The following CTNNA2 variants were observed in gnomAD, a reference collection of about 807,000 sequenced individuals.
CTNNA2 encodes catenin alpha 2, also known as catenin alpha-2.
In CTNNA2, 42 loss-of-function variants were observed where a neutral mutation model predicts 101.0. That is an observed-to-expected ratio of 0.42 (90% confidence interval 0.32 to 0.54). The LOEUF (loss-of-function observed/expected upper bound fraction) is 0.54, where lower values mean the gene tolerates loss of function less well. Among genes scored for constraint, CTNNA2 ranks in the 20% least tolerant of loss-of-function variants. CTNNA2 has a pLI of 0.14. For synonymous variants in CTNNA2, 450 were observed against 456.4 expected (o/e 0.99, Z 0.18); for missense variants, 871 against 1,223.1 (o/e 0.71, Z 4.29).
intron 9 of CTNNA2, among the ~76,000 whole-genome samples, chr2:80,486,764 A>G (rs1686618301): frequency 6.6e-6 from 1 of 152,214 alleles, no homozygotes; most frequent in African/African-American, 2.4e-5. Flanking sequence ...TCTAATGTTA[A>G]CATTTTATAT....
At position 79,544,245 on chromosome 2, in the gene CTNNA2, G is replaced by A. The variant is rs115820804; in HGVS notation, c.-6+31038G>A. On this transcript the variant is annotated intron_variant, in intron 1 of 18. Coordinates refer to ENST00000402739, the MANE Select transcript of CTNNA2 (RefSeq NM_001282597.3). ...GAGCCACCGCGCCCAGCTGGTTTGG[G>A]AAATTTTTGAATGAATAGTGTGTAG... is the stretch of plus-strand genomic sequence containing the variant. 1.3e-3 allele frequency among the ~76,000 whole-genome samples: 199 copies of A among 152,288 alleles called. 1 individual carries two copies. The highest frequency in any genetic ancestry group is 4.6e-3 in the African/African-American group (190 of 41,560).
At chr2:80,118,189 T>G (rs1033541969) in intron 7 of CTNNA2, among the ~76,000 whole-genome samples, 5 of 152,222 alleles carry the variant, frequency 3.3e-5, no homozygotes, top group African/African-American at 1.2e-4. Context: ...ATCTCAAATT[T>G]AGGACTTTCC....
At chr2:80,093,184 G>C (rs1233888316) in intron 7 of CTNNA2, among the ~76,000 whole-genome samples, 1 of 151,912 alleles carries the variant, frequency 6.6e-6, no homozygotes, top group African/African-American at 2.4e-5. Flanking sequence ...TCCCTGGTGT[G>C]TGATGTTCCC....
intron 7 of CTNNA2, among the ~76,000 whole-genome samples, chr2:79,998,596 C>T (rs1224399478): frequency 6.6e-6 from 1 of 152,054 alleles, no homozygotes; most frequent in Non-Finnish European, 1.5e-5. Flanking sequence ...AGATTTGTGG[C>T]TATGAAAGAT....
intron 2 of CTNNA2, among the ~76,000 whole-genome samples, chr2:79,251,989 G>A (rs776289986): frequency 5.3e-5 from 8 of 152,310 alleles, no homozygotes; most frequent in Non-Finnish European, 7.4e-5. Context: ...CACAGTCTCA[G>A]CTCTCAGTTG....
rs756834340 is a variant in CTNNA2, at chr2:79,195,887, G to T, written c.-523-2072G>T. On this transcript the variant is annotated intron_variant, in intron 1 of 21. Transcript: ENST00000466387. ...ATATAAAAGGTAAATAAGAAATTAG[G>T]GGGCAGAGGTGCAGAGGTAGGGTGG... 7 of 499,092 alleles carry T rather than the reference G, an allele frequency of 1.4e-5. No individual in the cohort carries two copies. The Admixed American group carries it at 1.4e-4, about 10-fold the overall frequency. 30.9% of individuals were successfully genotyped at this position (499,092 alleles called of 1,614,324 possible). A position where few individuals can be genotyped will look rare whatever the true frequency, so the allele number is the denominator to read the frequency against.
chr2:80,447,708 C>T (rs999484528), intron 9 of CTNNA2, among the ~76,000 whole-genome samples: 1 of 151,752 alleles, frequency 6.6e-6, no homozygotes, highest in Admixed American at 6.5e-5. Flanking sequence ...GCTGGGATAA[C>T]TTCCGTTTAA....
chr2:80,124,674 G>A (rs1702021980), intron 7 of CTNNA2, among the ~76,000 whole-genome samples: 2 of 152,114 alleles, frequency 1.3e-5, no homozygotes, highest in Admixed American at 1.3e-4. Flanking sequence ...AAAGAGACCT[G>A]GTCAAATTGT....
intron 7 of CTNNA2, among the ~76,000 whole-genome samples, chr2:80,334,124 T>C (rs1251233054): frequency 6.6e-6 from 1 of 152,228 alleles, no homozygotes; most frequent in East Asian, 1.9e-4. Context: ...AGAATATCTT[T>C]TGAATTGTCA....
intron 7 of CTNNA2, among the ~76,000 whole-genome samples, chr2:80,135,217 C>G (rs1702627677): frequency 6.6e-6 from 1 of 152,272 alleles, no homozygotes; most frequent in East Asian, 1.9e-4. Flanking sequence ...AGGGGCCAAC[C>G]AGCAGGACCT....
chr2:80,228,222 C>T (rs1168067155), intron 7 of CTNNA2, among the ~76,000 whole-genome samples: 1 of 152,204 alleles, frequency 6.6e-6, no homozygotes, highest in African/African-American at 2.4e-5. Flanking sequence ...GATTTATAAA[C>T]AACAGAAGTT....
intron 18 of CTNNA2, among the ~76,000 whole-genome samples, chr2:80,628,140 C>T (rs1671881555): frequency 6.6e-6 from 1 of 152,076 alleles, no homozygotes; most frequent in Non-Finnish European, 1.5e-5. Context: ...AAAAGCATTC[C>T]ATGCTCATGG....
intron 2 of CTNNA2, among the ~76,000 whole-genome samples, chr2:79,715,855 A>C (rs1049153986): frequency 6.6e-6 from 1 of 152,186 alleles, no homozygotes; most frequent in Non-Finnish European, 1.5e-5. Flanking sequence ...AATATCAAGC[A>C]TAAGTAGAAG....
chr2:79,393,629 A>G (rs943449752), intron 4 of CTNNA2, among the ~76,000 whole-genome samples: 7 of 36,756 alleles, frequency 1.9e-4, no homozygotes, highest in Non-Finnish European at 1.9e-4. Flanking sequence ...GTTCACAGAG[A>G]AAAAAAAAAA....
chr2:79,487,364 A>G (rs1671168416), intron 4 of CTNNA2, among the ~76,000 whole-genome samples: 1 of 152,222 alleles, frequency 6.6e-6, no homozygotes, highest in African/African-American at 2.4e-5. Context: ...CTTCTCATAT[A>G]AAAAGTAGAA....
chr2:80,284,177 T>C (rs1451873107), intron 7 of CTNNA2, among the ~76,000 whole-genome samples: 1 of 152,128 alleles, frequency 6.6e-6, no homozygotes, highest in African/African-American at 2.4e-5. Context: ...AAGATGAGGA[T>C]AGTGAATTAA....
intron 7 of CTNNA2, among the ~76,000 whole-genome samples, chr2:80,169,337 A>G (rs1211641804): frequency 2.0e-5 from 3 of 152,182 alleles, no homozygotes. Context: ...CCTTGGGATG[A>G]TAGTGGTGGC....
At chr2:80,358,343 C>CTTTT (rs35040432) in intron 7 of CTNNA2, among the ~76,000 whole-genome samples, 33 of 99,722 alleles carry the variant, frequency 3.3e-4, no homozygotes, top group Admixed American at 4.9e-4. Flanking sequence ...TAGTATTCTA[C>CTTTT]TTTTTTTTTT....
chr2:80,024,068 C>T (rs1175144812), intron 7 of CTNNA2, among the ~76,000 whole-genome samples: 1 of 129,266 alleles, frequency 7.7e-6, no homozygotes, highest in Non-Finnish European at 1.6e-5. Context: ...GCCTGGGCGA[C>T]AGAGCGAGAC....
Sources: allele counts gnomAD v4.1 joint callset (sites outside exome capture counted in the v4.1 genomes callset), GRCh38; gene constraint gnomAD v4.1.1; transcripts MANE v1.5; gene names NCBI Gene and HGNC (gene_info 2026-07-23, HGNC 2026-07-21).